NBPF26: variants seen among roughly 807,000 people sequenced by gnomAD.
NBPF26 encodes NBPF member 26.
A neutral mutation model predicts 119.6 loss-of-function variants in NBPF26; 79 were observed. The observed-to-expected ratio is 0.66, with a 90% CI of 0.55 to 0.80. The LOEUF is 0.80. Among genes scored for constraint, NBPF26 ranks in the 30% least tolerant of loss-of-function variants. NBPF26 has a pLI of 0.00. For synonymous variants in NBPF26, 299 were observed against 457.7 expected (o/e 0.65, Z 4.43); for missense variants, 800 against 1,198.2 (o/e 0.67, Z 4.91).
Position 120,823,651 on chromosome 1 carries a change from T to A in NBPF26, c.2639+291T>A, listed in dbSNP as rs1323028653. On this transcript the variant is annotated intron_variant, in intron 17 of 29. Coordinates refer to ENST00000620612, the Ensembl canonical transcript of NBPF26. The stretch of plus-strand genomic sequence containing the variant: ...TTACGCAAAATTATTGAGGACATGC[T>A]TTTCATGATCACTGTTCACTGTGTG... 2.4e-5 allele frequency among the ~76,000 whole-genome samples: 3 copies of A among 124,904 alleles called. 1 individual carries two copies. The highest frequency in any genetic ancestry group is 4.9e-5 in the Non-Finnish European group (3 of 61,246). The allele number at this position is 124,904 out of a possible 152,430, so 81.9% of individuals were successfully genotyped here.
rs1343289990 is a variant in NBPF26, at chr1:120,811,152, G to T, written c.1564+594G>T. On this transcript the variant is annotated intron_variant, in intron 9 of 29. Coordinates refer to ENST00000620612, the Ensembl canonical transcript of NBPF26. ...AGTCCCAGCTACTCAGGAGGCTGAG[G>T]CAGGAGAATGGCATGAACCCAGGAA... Among the ~76,000 whole-genome samples the T allele has an allele frequency of 1.2e-4, 13 of 107,042 alleles. 3 individuals are homozygous for T. The highest frequency in any genetic ancestry group is 2.6e-4 in the South Asian group (1 of 3,788). The allele number at this position is 107,042 out of a possible 152,430, so 70.2% of individuals were successfully genotyped here.
rs1177600530 is a variant in NBPF26, at chr1:120,795,920, ATGTG to A, written c.751+2450_751+2453del. Among the ~76,000 whole-genome samples, 19 of 19,632 alleles carry A rather than the reference ATGTG, an allele frequency of 9.7e-4. 7 individuals carry two copies. Among genetic ancestry groups the A allele is most frequent in the South Asian group, 2.3e-3 (3 of 1,310 alleles). The allele number at this position is 19,632 out of a possible 152,430, so 12.9% of individuals were successfully genotyped here. A position where few individuals can be genotyped will look rare whatever the true frequency, so the allele number is the denominator to read the frequency against. On this transcript the variant is annotated intron_variant, in intron 4 of 29. Transcript: ENST00000620612. ...CAAATAGTACTTGTTACATATCAATATGTGTGTGTGTGTGTGTGTGTGTGTGTGT... is the reference window on the plus strand; with the variant it reads ...CAAATAGTACTTGTTACATATCAATATGTGTGTGTGTGTGTGTGTGTGTGT...
chr1:120,805,765 A>T lies in NBPF26; in HGVS notation c.961A>T (p.Lys321Ter). Residue 321 changes from lysine (K) to a stop codon, truncating the protein, a stop_gained and splice_region_variant, in exon 5 of 30, where the codon AAG becomes TAG. Coordinates refer to ENST00000620612, the Ensembl canonical transcript of NBPF26. LOFTEE classifies it high-confidence loss of function. ...CCTGGCCAACCGACAGAAGAAATAC[A>T]GTAAGATCTATAGGCTCACCATCAT... is the stretch of plus-strand genomic sequence containing the variant. 1.4e-6 allele frequency: 2 copies of T among 1,391,860 alleles called. 1 individual carries two copies. Among genetic ancestry groups the T allele is most frequent in the Non-Finnish European group, 1.9e-6 (2 of 1,026,436 alleles). 86.2% of individuals were successfully genotyped at this position (1,391,860 alleles called of 1,614,324 possible).
At chr1:120,823,752 C>CTGTGTGTGTGTGTGTGTGTGTGTG (rs1177031452) in intron 17 of NBPF26, among the ~76,000 whole-genome samples, 1 of 73,340 alleles carries the variant, frequency 1.4e-5, no homozygotes. Flanking sequence ...TGAGCTCGCT[C>CTGTGTGTGTGTGTGTGTGTGTGTG]TGTGTGTGTG....
At chr1:120,758,596 C>T (rs1475258962) in intron 1 of NBPF26, among the ~76,000 whole-genome samples, 22 of 104,328 alleles carry the variant, frequency 2.1e-4, no homozygotes, top group Non-Finnish European at 3.4e-4. Context: ...CTTGACTTTT[C>T]TCAAACATAA....
At chr1:120,808,108 C>T (rs1553270409) in intron 6 of NBPF26, among the ~76,000 whole-genome samples, 10 of 119,350 alleles carry the variant, frequency 8.4e-5, no homozygotes, top group African/African-American at 1.2e-4. Context: ...GTTGCCTTCT[C>T]GACCCTGTCA....
In NBPF26 at chr1:120,816,859, C is replaced by T. The variant is rs1352306229; in HGVS notation, c.2371+32C>T. On this transcript the variant is annotated intron_variant, in intron 14 of 29. Coordinates refer to ENST00000620612, the Ensembl canonical transcript of NBPF26. ...TCTGTTTTCCTTGTGTCTCATACCT[C>T]TTTCTTGGCTGAGGAAGATAAACTC... 9.0e-6 allele frequency: 13 copies of T among 1,450,840 alleles called. 3 individuals are homozygous for T. Among genetic ancestry groups the T allele is most frequent in the South Asian group, 2.4e-5 (2 of 83,754 alleles). The allele number at this position is 1,450,840 out of a possible 1,614,324, so 89.9% of individuals were successfully genotyped here.
rs1650799917 is a variant in NBPF26 at position 120,724,766 on chromosome 1, A to G, written c.73+516A>G. On this transcript the variant is annotated intron_variant, in intron 1 of 29. Coordinates refer to ENST00000620612, the Ensembl canonical transcript of NBPF26. Reference sequence around the variant, plus strand: ...GGCCGGGTGTGTGGGCTTGGTTTGGATGGGGACGGGGTTTTGCGGCGCGCC... The same window carrying G: ...GGCCGGGTGTGTGGGCTTGGTTTGGGTGGGGACGGGGTTTTGCGGCGCGCC... Among the ~76,000 whole-genome samples the G allele has an allele frequency of 1.8e-5, 2 of 113,024 alleles. 1 individual carries two copies. Among genetic ancestry groups the G allele is most frequent in the Non-Finnish European group, 3.5e-5 (2 of 57,334 alleles). 74.1% of individuals were successfully genotyped at this position (113,024 alleles called of 152,430 possible).
intron 1 of NBPF26, among the ~76,000 whole-genome samples, chr1:120,728,905 A>G (rs1405955020): frequency 3.7e-5 from 4 of 109,378 alleles, no homozygotes; most frequent in Non-Finnish European, 6.8e-5. Flanking sequence ...AGAGAATCAC[A>G]TGGTGTTGAG....
intron 1 of NBPF26, among the ~76,000 whole-genome samples, chr1:120,752,464 A>T (rs1248912068): frequency 2.8e-4 from 7 of 24,990 alleles, no homozygotes; most frequent in African/African-American, 8.9e-4. Context: ...ACATAGTTGT[A>T]TGTCTGAAGA....
chr1:120,809,843 G>C (rs1553270725), exon 8 of NBPF26: 1 of 1,491,244 alleles, frequency 6.7e-7, no homozygotes, highest in Non-Finnish European at 9.0e-7. Context: ...AGATGTTCAA[G>C]TTGAGGAGGA....
At chr1:120,760,315 G>T (rs1272495260) in intron 1 of NBPF26, among the ~76,000 whole-genome samples, 1 of 89,732 alleles carries the variant, frequency 1.1e-5, no homozygotes, top group East Asian at 2.4e-4. Flanking sequence ...AGCCTCCTGA[G>T]TAGCTGCGAT....
rs1652483010 is a variant in NBPF26, at chr1:120,840,286, C to A, written c.4104-64C>A. 27 of 1,444,774 alleles carry A rather than the reference C, an allele frequency of 1.9e-5. 6 individuals are homozygous for A. Among genetic ancestry groups the A allele is most frequent in the Non-Finnish European group, 2.4e-5 (26 of 1,082,064 alleles). The allele number at this position is 1,444,774 out of a possible 1,614,324, so 89.5% of individuals were successfully genotyped here. A position where few individuals can be genotyped will look rare whatever the true frequency, so the allele number is the denominator to read the frequency against. ...CACTTCCTTATGTTACTTCTGAAAT[C>A]TAGTGGGGCTCTGTGGTGTCCGATT... On this transcript the variant is annotated intron_variant, in intron 29 of 29. Transcript: ENST00000620612.
rs1553271048 is a variant in NBPF26, at chr1:120,811,982, A to T, written c.1661A>T (p.Asn554Ile). 4.9e-5 allele frequency: 61 copies of T among 1,242,296 alleles called. 14 individuals are homozygous for T. Among genetic ancestry groups the T allele is most frequent in the Admixed American group, 1.8e-4 (9 of 49,730 alleles). The allele number at this position is 1,242,296 out of a possible 1,614,324, so 77.0% of individuals were successfully genotyped here. A position where few individuals can be genotyped will look rare whatever the true frequency, so the allele number is the denominator to read the frequency against. Residue 554 changes from asparagine (N) to isoleucine (I), a missense_variant, in exon 10 of 30, where the codon AAT becomes ATT. Around this residue, in one of 13 missense-constraint regions of NBPF26, gnomAD observed 72 missense variants for 81.1 expected, o/e 0.89. Transcript: ENST00000620612. Reference sequence around the variant, plus strand: ...GCAGCGATAAACATTCTAGAAATCAATGAGAAATTGCGCCCCCAGCTGGCA... The same window carrying T: ...GCAGCGATAAACATTCTAGAAATCATTGAGAAATTGCGCCCCCAGCTGGCA...
chr1:120,813,053 T>A (rs2101513537), intron 10 of NBPF26, among the ~76,000 whole-genome samples: 1 of 119,308 alleles, frequency 8.4e-6, no homozygotes, highest in East Asian at 2.1e-4. Context: ...GGAAGAAAGA[T>A]CGCACCCGAG....
At chr1:120,820,450 ATATATATATAT>A (rs1652107441) in intron 15 of NBPF26, among the ~76,000 whole-genome samples, 1 of 7,724 alleles carries the variant, frequency 1.3e-4, no homozygotes, top group East Asian at 2.0e-3. Flanking sequence ...TATTAAAAAT[ATATATATATAT>A]ATATATATAT....
intron 3 of NBPF26, among the ~76,000 whole-genome samples, chr1:120,790,695 G>T (rs1457965220): frequency 1.8e-5 from 2 of 110,404 alleles, no homozygotes; most frequent in Non-Finnish European, 3.4e-5. Context: ...CACCTCTTGG[G>T]TTCGAGTGAT....
In NBPF26 at chr1:120,822,098, C is replaced by A; in HGVS notation, c.2424-6C>A. 6 of 1,445,840 alleles carry A rather than the reference C, an allele frequency of 4.1e-6. 1 individual carries two copies. The highest frequency in any genetic ancestry group is 5.5e-6 in the Non-Finnish European group (6 of 1,081,400). The allele number at this position is 1,445,840 out of a possible 1,614,324, so 89.6% of individuals were successfully genotyped here. A position where few individuals can be genotyped will look rare whatever the true frequency, so the allele number is the denominator to read the frequency against. ...TCTGTCATCCCTGTCCTGCCTGGCTCATCAGGAATCTGCAGGAGTCTGAAG... is the reference window on the plus strand; with the variant it reads ...TCTGTCATCCCTGTCCTGCCTGGCTAATCAGGAATCTGCAGGAGTCTGAAG... On this transcript the variant is annotated splice_polypyrimidine_tract_variant and splice_region_variant and intron_variant, in intron 15 of 29. Transcript: ENST00000620612.
At chr1:120,805,721 T>C in exon 5 of NBPF26, 3 of 1,451,802 alleles carry the variant, frequency 2.1e-6, no homozygotes, top group Non-Finnish European at 2.8e-6. Flanking sequence ...AAATGTTTTC[T>C]AACTCAACTG....
Sources: gnomAD v4.1 joint callset for allele counts (sites outside exome capture counted in the v4.1 genomes callset) on GRCh38, gnomAD v4.1.1 for gene constraint, gnomAD v4.1.1 regional missense constraint, MANE v1.5 for transcripts, NCBI Gene and HGNC (gene_info 2026-07-23, HGNC 2026-07-21) for gene names.